The following HCN1 variants were observed in gnomAD, a reference collection of about 807,000 sequenced individuals.
HCN1 encodes the protein hyperpolarization activated cyclic nucleotide gated potassium channel 1.
A neutral mutation model predicts 78.9 loss-of-function variants in HCN1; 13 were observed. The observed-to-expected ratio is 0.16, with a 90% CI of 0.11 to 0.26. The LOEUF (loss-of-function observed/expected upper bound fraction) is 0.26. Ranked by LOEUF, HCN1 falls within the 10% of genes least tolerant of loss-of-function variation. HCN1 has a pLI of 1.00. For missense variants in HCN1, 810 were observed against 1,154.3 expected (o/e 0.70, Z 4.32); for synonymous variants, 552 against 455.5 (o/e 1.21, Z -2.70).
intron 2 of HCN1, among the ~76,000 whole-genome samples, chr5:45,564,264 C>CT (rs546784601): frequency 0.019 from 2,758 of 141,978 alleles, 35 homozygotes; most frequent in South Asian, 0.05. Flanking sequence ...CTTTAGGAAG[C>CT]TTTTTTTTTT....
intron 5 of HCN1, among the ~76,000 whole-genome samples, chr5:45,316,073 G>A (rs1306714179): frequency 6.6e-6 from 1 of 152,180 alleles, no homozygotes; most frequent in Non-Finnish European, 1.5e-5. Flanking sequence ...TATGAGGCCA[G>A]CATCATCCTG....
chr5:45,436,634 A>G (rs138130719), intron 3 of HCN1, among the ~76,000 whole-genome samples: 131 of 152,314 alleles, frequency 8.6e-4, no homozygotes, highest in African/African-American at 3.1e-3. Context: ...AATGTTTTCT[A>G]CTGAATAATT....
chr5:45,494,043 T>G (rs1037159999), intron 2 of HCN1, among the ~76,000 whole-genome samples: 42 of 152,266 alleles, frequency 2.8e-4, no homozygotes, highest in Non-Finnish European at 4.9e-4. Flanking sequence ...CTATTGTGAA[T>G]AATGCCGCAA....
intron 5 of HCN1, among the ~76,000 whole-genome samples, chr5:45,315,801 C>G (rs1472941570): frequency 6.6e-6 from 1 of 152,136 alleles, no homozygotes; most frequent in Non-Finnish European, 1.5e-5. Context: ...TGCAAATAAA[C>G]TAGAAAATGT....
intron 2 of HCN1, among the ~76,000 whole-genome samples, chr5:45,496,460 T>C (rs1266392408): frequency 6.6e-6 from 1 of 152,200 alleles, no homozygotes; most frequent in Non-Finnish European, 1.5e-5. Flanking sequence ...TTCCTCCTTG[T>C]ACCACTGGTA....
At chr5:45,297,811 T>C (rs980556362) in intron 6 of HCN1, among the ~76,000 whole-genome samples, 1 of 151,988 alleles carries the variant, frequency 6.6e-6, no homozygotes, top group African/African-American at 2.4e-5. Flanking sequence ...AAAATTAAAA[T>C]CAATCAAAAC....
At chr5:45,377,156 A>T (rs182574071) in intron 4 of HCN1, among the ~76,000 whole-genome samples, 1 of 152,118 alleles carries the variant, frequency 6.6e-6, no homozygotes, top group East Asian at 1.9e-4. Context: ...AAAATATCGC[A>T]ATAATAAACG....
intron 3 of HCN1, among the ~76,000 whole-genome samples, chr5:45,410,719 G>C (rs1162171027): frequency 6.6e-6 from 1 of 151,990 alleles, no homozygotes; most frequent in East Asian, 1.9e-4. Context: ...GATAAGCCTA[G>C]GAAATCCCCT....
At chr5:45,374,468 T>C (rs920103743) in intron 4 of HCN1, among the ~76,000 whole-genome samples, 2 of 149,446 alleles carry the variant, frequency 1.3e-5, no homozygotes, top group African/African-American at 2.5e-5. Flanking sequence ...GTAATCCTTA[T>C]ACAGACCAAT....
intron 3 of HCN1, among the ~76,000 whole-genome samples, chr5:45,416,771 A>C (rs888291488): frequency 6.6e-6 from 1 of 151,964 alleles, no homozygotes; most frequent in African/African-American, 2.4e-5. Context: ...TTTTCATTTT[A>C]AGGTAGAAAA....
At chr5:45,521,478 C>T (rs1331351684) in intron 2 of HCN1, among the ~76,000 whole-genome samples, 3 of 151,982 alleles carry the variant, frequency 2.0e-5, no homozygotes, top group African/African-American at 7.2e-5. Context: ...CTCCTACATT[C>T]TGGTAGCCTC....
chr5:45,432,896 T>C (rs1377703141), intron 3 of HCN1, among the ~76,000 whole-genome samples: 1 of 152,066 alleles, frequency 6.6e-6, no homozygotes, highest in South Asian at 2.1e-4. Flanking sequence ...AACGAGGTGT[T>C]TGCCTCATGG....
chr5:45,658,705 A>G lies in HCN1; in HGVS notation c.426-13097T>C, dbSNP rs868218443. ...AGAAAGGGGTGAGGGACGCACCTGG[A>G]AAATCGGGTCACTCCCACCCGAATA... is the stretch of plus-strand genomic sequence containing the variant. On this transcript the variant is annotated intron_variant, in intron 1 of 7. Coordinates refer to ENST00000303230, the MANE Select transcript of HCN1 (RefSeq NM_021072.4). Among the ~76,000 whole-genome samples, 11 of 151,754 alleles carry G rather than the reference A, an allele frequency of 7.2e-5. No individual in the cohort carries two copies. The South Asian group carries it at 1.0e-3, about 14-fold the overall frequency.
chr5:45,494,050 G>T (rs1430411736), intron 2 of HCN1, among the ~76,000 whole-genome samples: 1 of 151,918 alleles, frequency 6.6e-6, no homozygotes, highest in African/African-American at 2.4e-5. Context: ...GAATAATGCC[G>T]CAATAAACAT....
At chr5:45,335,144 A>G (rs913447485) in intron 5 of HCN1, among the ~76,000 whole-genome samples, 17 of 151,964 alleles carry the variant, frequency 1.1e-4, no homozygotes, top group African/African-American at 4.1e-4. Context: ...ATTGTTTAAA[A>G]ATAGATCAGT....
intron 4 of HCN1, among the ~76,000 whole-genome samples, chr5:45,369,105 T>G (rs1426012050): frequency 1.3e-5 from 2 of 151,900 alleles, no homozygotes; most frequent in Admixed American, 6.6e-5. Flanking sequence ...GTGGCTTTTT[T>G]TTTTCACTGA....
At chr5:45,585,500 G>C (rs1244592656) in intron 2 of HCN1, among the ~76,000 whole-genome samples, 3 of 152,094 alleles carry the variant, frequency 2.0e-5, no homozygotes, top group Non-Finnish European at 2.9e-5. Context: ...AGAGTAGTTT[G>C]ATCGTCTGAA....
intron 2 of HCN1, chr5:45,575,105 TA>T (rs1743912859): frequency 6.6e-6 from 1 of 152,182 alleles, no homozygotes; most frequent in Non-Finnish European, 1.5e-5. Context: ...GTGGCTACAC[TA>T]AACAACATAT....
At chr5:45,424,817 C>T (rs985171867) in intron 3 of HCN1, among the ~76,000 whole-genome samples, 1 of 152,094 alleles carries the variant, frequency 6.6e-6, no homozygotes, top group Non-Finnish European at 1.5e-5. Context: ...ACGTTTACTG[C>T]TGTTGTCTAT....
Sources: allele counts gnomAD v4.1 joint callset (sites outside exome capture counted in the v4.1 genomes callset), GRCh38; gene constraint gnomAD v4.1.1; transcripts MANE v1.5; gene names NCBI Gene and HGNC (gene_info 2026-07-23, HGNC 2026-07-21).